Variants in FOXN2 observed in about 807,000 individuals in gnomAD.
FOXN2 encodes forkhead box protein N2.
A neutral mutation model predicts 41.2 loss-of-function variants in FOXN2; 19 were observed. That is an observed-to-expected ratio of 0.46 (90% CI 0.32 to 0.68). The LOEUF (loss-of-function observed/expected upper bound fraction) is 0.68, where lower values mean the gene tolerates loss of function less well. Ranked by LOEUF, FOXN2 falls within the 30% of genes least tolerant of loss-of-function variation. FOXN2 has a pLI of 0.03. For synonymous variants in FOXN2, 195 were observed against 176.8 expected (o/e 1.10, Z -0.82); for missense variants, 587 against 509.4 (o/e 1.15, Z -1.47).
At chr2:48,351,905 CAT>C (rs1407913760) in intron 3 of FOXN2, among the ~76,000 whole-genome samples, 1 of 152,142 alleles carries the variant, frequency 6.6e-6, no homozygotes, top group Non-Finnish European at 1.5e-5. Flanking sequence ...AGAAGGGTAA[CAT>C]ATGCCAAAGG....
At chr2:48,362,228 T>A (rs2104472523) in intron 4 of FOXN2, among the ~76,000 whole-genome samples, 1 of 152,330 alleles carries the variant, frequency 6.6e-6, no homozygotes, top group African/African-American at 2.4e-5. Context: ...AAATAGTTTG[T>A]TTTTGGTGGT....
chr2:48,317,595 CTTTTTTTTTTTTTTTTT>C (rs574980247), intron 1 of FOXN2, among the ~76,000 whole-genome samples: 3,017 of 35,060 alleles, frequency 0.086, 211 homozygotes, highest in African/African-American at 0.24. Flanking sequence ...TATAGTATTG[CTTTTTTTTTTTTTTTTT>C]TTTTTTTTTT....
Position 48,375,162 on chromosome 2 carries a change from G to A in FOXN2, c.1015G>A (p.Val339Met), listed in dbSNP as rs1373941130. ...VYEFIPKNSH[V>M]GSDGSEGFHS... ...TGAATTTATCCCAAAGAATAGTCAC[G>A]TGGGAAGTGATGGCAGTGAAGGATT... Residue 339 changes from valine (V) to methionine (M), a missense_variant, in exon 7 of 7, where the codon GTG becomes ATG. Val to Met is a conservative substitution (Grantham distance 21). Coordinates refer to ENST00000340553, the MANE Select transcript of FOXN2 (RefSeq NM_002158.4). 10 of 1,614,162 alleles carry A rather than the reference G, an allele frequency of 6.2e-6. No homozygotes were observed. Among genetic ancestry groups the A allele is most frequent in the East Asian group, 2.2e-5 (1 of 44,882 alleles).
rs1231339178 is a variant in FOXN2 at position 48,376,952 on chromosome 2, T to A, written c.*1509T>A. The A allele has an allele frequency of 6.6e-6, 1 of 152,434 alleles. No homozygotes were observed. The highest frequency in any genetic ancestry group is 1.9e-4 in the East Asian group (1 of 5,204). The allele number at this position is 152,434 out of a possible 1,614,324, so 9.4% of individuals were successfully genotyped here. A position where few individuals can be genotyped will look rare whatever the true frequency, so the allele number is the denominator to read the frequency against. ...ATTTGCTTTCAGCTGTTTCTGTGAT[T>A]ATAAAGCATTTTTTAAGAGACAAAT... On this transcript the variant is annotated 3_prime_UTR_variant, in exon 7 of 7. Transcript: ENST00000340553.
chr2:48,358,043 C>T (rs1168995120), intron 3 of FOXN2, among the ~76,000 whole-genome samples: 3 of 152,174 alleles, frequency 2.0e-5, no homozygotes, highest in African/African-American at 7.2e-5. Context: ...TAGTAAAAAA[C>T]TGCCTTACAC....
rs1408365702 is a variant in FOXN2, at chr2:48,354,483, C to T, written c.538-4564C>T. 3.9e-5 allele frequency among the ~76,000 whole-genome samples: 6 copies of T among 152,140 alleles called. No individual in the cohort carries two copies. In the East Asian group the frequency reaches 5.8e-4, roughly 15 times the overall value. ...GGTGTGGTGGCGTGTGCCTGTAATC[C>T]CAGCTACTTGGGAGGCTGAGGCAGG... On this transcript the variant is annotated intron_variant, in intron 3 of 6. Transcript: ENST00000340553.
chr2:48,364,180 A>T (rs1016095122), intron 5 of FOXN2, among the ~76,000 whole-genome samples: 1 of 152,210 alleles, frequency 6.6e-6, no homozygotes, highest in South Asian at 2.1e-4. Context: ...AACATTTATT[A>T]AAGAGAAAGT....
At chr2:48,358,114 CG>C (rs1671928766) in intron 3 of FOXN2, among the ~76,000 whole-genome samples, 1 of 151,804 alleles carries the variant, frequency 6.6e-6, no homozygotes, top group South Asian at 2.1e-4. Context: ...AATTTTATCC[CG>C]TTTTTTTTTA....
chr2:48,325,637 C>G (rs1015597814), intron 1 of FOXN2, among the ~76,000 whole-genome samples: 1 of 151,986 alleles, frequency 6.6e-6, no homozygotes. Flanking sequence ...GAACTAGAAC[C>G]AAGATTTGCC....
rs1167204412 is a variant in FOXN2 at position 48,375,307 on chromosome 2, A to G, written c.1160A>G (p.Lys387Arg). The change falls in exon 7 of 7, where the codon AAA becomes AGA. Residue 387 changes from lysine (K) to arginine (R), a missense_variant. Physicochemically the swap from Lys to Arg is conservative, Grantham distance 26. Transcript: ENST00000340553. Reference protein sequence around the residue: ...EKGQSGKKMRKQTCQEIDEEL... With the variant: ...EKGQSGKKMRRQTCQEIDEEL... ...GGGCAGTCAGGCAAAAAGATGCGAA[A>G]ACAGACATGTCAAGAAATTGATGAG... The G allele has an allele frequency of 1.9e-6, 3 of 1,613,868 alleles. No individual in the cohort carries two copies. In the African/African-American group the frequency reaches 4.0e-5, roughly 22 times the overall value.
chr2:48,322,696 G>C (rs1188311992), intron 1 of FOXN2, among the ~76,000 whole-genome samples: 3 of 149,170 alleles, frequency 2.0e-5, no homozygotes, highest in Non-Finnish European at 4.5e-5. Flanking sequence ...CCTCATGTCT[G>C]AGCTTTTCTA....
At chr2:48,347,062 T>C (rs997304021) in intron 3 of FOXN2, among the ~76,000 whole-genome samples, 1 of 152,096 alleles carries the variant, frequency 6.6e-6, no homozygotes, top group Non-Finnish European at 1.5e-5. Context: ...AATATGATAA[T>C]CTCTGCCTTA....
At chr2:48,329,094 G>A (rs1014774274) in intron 2 of FOXN2, among the ~76,000 whole-genome samples, 1 of 152,090 alleles carries the variant, frequency 6.6e-6, no homozygotes, top group East Asian at 1.9e-4. Flanking sequence ...TCATCTTGAT[G>A]TATTTGGTCT....
intron 1 of FOXN2, among the ~76,000 whole-genome samples, chr2:48,323,675 T>A (rs941866489): frequency 1.9e-4 from 29 of 151,996 alleles, no homozygotes; most frequent in African/African-American, 6.0e-4. Flanking sequence ...CCATTCCACA[T>A]GTGGGTTCTC....
At chr2:48,356,766 A>G (rs765891175) in intron 3 of FOXN2, among the ~76,000 whole-genome samples, 1 of 152,226 alleles carries the variant, frequency 6.6e-6, no homozygotes, top group African/African-American at 2.4e-5. Context: ...CTCCCAATCT[A>G]GTCTTTACCA....
rs1232828304 is a variant in FOXN2 at position 48,330,768 on chromosome 2, G to C, written c.-15+2066G>C. On this transcript the variant is annotated intron_variant, in intron 2 of 6. Coordinates refer to ENST00000340553, the MANE Select transcript of FOXN2 (RefSeq NM_002158.4). ...TAGAGATAGTAAACTTAAATTAAGT[G>C]TAACCCAAAAATCCTATTCTTACAT... Among the ~76,000 whole-genome samples, 3 of 152,006 alleles carry C rather than the reference G, an allele frequency of 2.0e-5. No individual in the cohort carries two copies. In the East Asian group the frequency reaches 5.8e-4, roughly 29 times the overall value.
intron 5 of FOXN2, among the ~76,000 whole-genome samples, chr2:48,367,708 C>T (rs1010882691): frequency 1.3e-5 from 2 of 152,140 alleles, no homozygotes; most frequent in Admixed American, 1.3e-4. Flanking sequence ...GAAATATGCT[C>T]GACTTATAAC....
chr2:48,362,600 A>C, intron 4 of FOXN2, 43 bp from the exon 5 acceptor site: 3 of 1,561,502 alleles, frequency 1.9e-6, no homozygotes, highest in Non-Finnish European at 2.6e-6. Flanking sequence ...AAAGTGAAGT[A>C]AACATTTTTA....
chr2:48,323,774 G>C (rs927441108), intron 1 of FOXN2, among the ~76,000 whole-genome samples: 1 of 152,044 alleles, frequency 6.6e-6, no homozygotes, highest in Non-Finnish European at 1.5e-5. Context: ...AGTTGCTTTT[G>C]AGTTCTTAGT....
Sources: allele counts gnomAD v4.1 joint callset (sites outside exome capture counted in the v4.1 genomes callset), GRCh38; gene constraint gnomAD v4.1.1; transcripts MANE v1.5; gene names NCBI Gene and HGNC (gene_info 2026-07-23, HGNC 2026-07-21).